The following ZNF521 variants were observed in gnomAD, a reference collection of about 807,000 sequenced individuals.
ZNF521 encodes the protein LYST-interacting protein 3.
In ZNF521, 14 loss-of-function variants were observed where a neutral mutation model predicts 105.5. The ratio of observed to expected loss-of-function variants is 0.13; its 90% confidence interval spans 0.09 to 0.21. ZNF521 has a LOEUF of 0.21. ZNF521 is among the 10% of genes least tolerant of loss of function. ZNF521 has a pLI of 1.00. For missense variants in ZNF521, 1,233 were observed against 1,629.7 expected (o/e 0.76, Z 4.19); for synonymous variants, 635 against 606.0 (o/e 1.05, Z -0.70).
At chr18:25,218,375 T>C (rs1905471066) in intron 4 of ZNF521, among the ~76,000 whole-genome samples, 1 of 151,158 alleles carries the variant, frequency 6.6e-6, no homozygotes, top group African/African-American at 2.4e-5. Context: ...AGAAAAACAG[T>C]TGGCTGGGTG....
intron 7 of ZNF521, among the ~76,000 whole-genome samples, chr18:25,066,585 C>A (rs4800203): frequency 0.14 from 21,352 of 152,094 alleles, 1,653 homozygotes; most frequent in East Asian, 0.18. Context: ...TTCTGATGCT[C>A]ATAGACATTA....
chr18:25,152,605 A>T (rs2035070004), intron 5 of ZNF521, among the ~76,000 whole-genome samples: 1 of 152,110 alleles, frequency 6.6e-6, no homozygotes, highest in African/African-American at 2.4e-5. Flanking sequence ...AAAATTTAAC[A>T]TTTTTTTAAA....
chr18:25,151,614 C>A (rs898672176), intron 5 of ZNF521, among the ~76,000 whole-genome samples: 1 of 152,080 alleles, frequency 6.6e-6, no homozygotes, highest in African/African-American at 2.4e-5. Context: ...AGACTTTTAT[C>A]GTTTCTTTCA....
chr18:25,164,293 G>A (rs2035299837), intron 5 of ZNF521, among the ~76,000 whole-genome samples: 1 of 152,186 alleles, frequency 6.6e-6, no homozygotes, highest in Non-Finnish European at 1.5e-5. Context: ...GTCTAAAGAT[G>A]TCCAAGTAGT....
chr18:25,098,441 T>A (rs1464254232), intron 5 of ZNF521, among the ~76,000 whole-genome samples: 3 of 148,786 alleles, frequency 2.0e-5, no homozygotes, highest in Admixed American at 1.3e-4. Flanking sequence ...TTTGCCCTCA[T>A]TTTTTTTTTA....
chr18:25,131,143 G>T (rs2034634654), intron 5 of ZNF521, among the ~76,000 whole-genome samples: 2 of 152,052 alleles, frequency 1.3e-5, no homozygotes, highest in African/African-American at 4.8e-5. Flanking sequence ...TGCTCCTGTG[G>T]CTTCCAACAG....
chr18:25,273,093 G>A (rs768941839), intron 3 of ZNF521, among the ~76,000 whole-genome samples: 3 of 150,952 alleles, frequency 2.0e-5, no homozygotes, highest in Non-Finnish European at 4.4e-5. Flanking sequence ...CAGGCACGAT[G>A]ACATGCACCT....
chr18:25,278,504 G>A lies in ZNF521; in HGVS notation c.220+43504C>T, dbSNP rs574567116. On this transcript the variant is annotated intron_variant, in intron 3 of 7. Transcript: ENST00000361524. ...AGCTGTGCCCATGCCTCGAACAGCC[G>A]CCACTCTTGCCTGCTTTACTGACCC... Among the ~76,000 whole-genome samples, 60 of 152,210 alleles carry A rather than the reference G, an allele frequency of 3.9e-4. 1 individual carries two copies. In the South Asian group the frequency reaches 0.012, roughly 31 times the overall value.
chr18:25,145,412 GT>G (rs1327884893), intron 5 of ZNF521, among the ~76,000 whole-genome samples: 1 of 152,036 alleles, frequency 6.6e-6, no homozygotes, highest in Non-Finnish European at 1.5e-5. Context: ...TCGATCTATA[GT>G]TTTTGTTTAC....
Position 25,312,099 on chromosome 18 carries a change from T to C in ZNF521, c.220+9909A>G, listed in dbSNP as rs76673795. Among the ~76,000 whole-genome samples the C allele has an allele frequency of 9.5e-3, 1,453 of 152,258 alleles. 99 individuals are homozygous for C. In the East Asian group the frequency reaches 0.2, roughly 21 times the overall value. ...ACCAGTTATTCAAGCAGGCTAAAAGTAAAAATGCCTAATAAAATATGGACA... is the reference window on the plus strand; with the variant it reads ...ACCAGTTATTCAAGCAGGCTAAAAGCAAAAATGCCTAATAAAATATGGACA... On this transcript the variant is annotated intron_variant, in intron 3 of 7. Coordinates refer to ENST00000361524, the MANE Select transcript of ZNF521 (RefSeq NM_015461.3).
intron 5 of ZNF521, among the ~76,000 whole-genome samples, chr18:25,098,599 G>T (rs977824236): frequency 3.3e-5 from 5 of 152,110 alleles, no homozygotes; most frequent in African/African-American, 1.2e-4. Flanking sequence ...AAAAGGCAAG[G>T]GCAGGGATAA....
At chr18:25,137,883 T>C (rs2034767155) in intron 5 of ZNF521, among the ~76,000 whole-genome samples, 1 of 152,222 alleles carries the variant, frequency 6.6e-6, no homozygotes, top group African/African-American at 2.4e-5. Context: ...AGGCCACCGT[T>C]CTTTATGCAG....
chr18:25,248,615 ACTTTAT>A (rs892200077), intron 3 of ZNF521, among the ~76,000 whole-genome samples: 13 of 152,238 alleles, frequency 8.5e-5, no homozygotes, highest in African/African-American at 2.4e-4. Context: ...TATTTAAAGA[ACTTTAT>A]CTTTATCTAG....
intron 5 of ZNF521, among the ~76,000 whole-genome samples, chr18:25,124,662 A>G (rs2034505611): frequency 6.6e-6 from 1 of 152,058 alleles, no homozygotes; most frequent in African/African-American, 2.4e-5. Flanking sequence ...CTTATTTTCA[A>G]TTGGAGAAAC....
chr18:25,178,402 T>A (rs1726016451), intron 5 of ZNF521, among the ~76,000 whole-genome samples: 1 of 152,312 alleles, frequency 6.6e-6, no homozygotes, highest in East Asian at 1.9e-4. Flanking sequence ...TTTAAATCTA[T>A]CCACTCAGCT....
In ZNF521 at chr18:25,169,491, G is replaced by A. The variant is rs78492168; in HGVS notation, c.3658+25669C>T. Among the ~76,000 whole-genome samples, 83 of 152,218 alleles carry A rather than the reference G, an allele frequency of 5.5e-4. 2 individuals carry two copies. The East Asian group carries it at 0.016, about 29-fold the overall frequency. Reference sequence around the variant, plus strand: ...TCATTGATGAAACAATGGGTATTGTGTGCAAAGCCAGCAATTTTTGTGTTG... The same window carrying A: ...TCATTGATGAAACAATGGGTATTGTATGCAAAGCCAGCAATTTTTGTGTTG... On this transcript the variant is annotated intron_variant, in intron 5 of 7. Transcript: ENST00000361524.
At chr18:25,162,163 A>G (rs1390501227) in intron 5 of ZNF521, among the ~76,000 whole-genome samples, 1 of 152,186 alleles carries the variant, frequency 6.6e-6, no homozygotes, top group African/African-American at 2.4e-5. Flanking sequence ...CTGTGTTCCA[A>G]CCTGAAATCA....
intron 5 of ZNF521, among the ~76,000 whole-genome samples, chr18:25,147,952 A>T (rs1486722251): frequency 6.6e-6 from 1 of 152,162 alleles, no homozygotes; most frequent in African/African-American, 2.4e-5. Context: ...TCTGCTAGGA[A>T]GGGCTGAGTT....
intron 4 of ZNF521, among the ~76,000 whole-genome samples, chr18:25,213,061 A>G (rs2036220810): frequency 6.6e-6 from 1 of 151,292 alleles, no homozygotes; most frequent in Non-Finnish European, 1.5e-5. Context: ...ATTTTATCTT[A>G]GCTTACAGGC....
Sources: allele counts gnomAD v4.1 joint callset (sites outside exome capture counted in the v4.1 genomes callset), GRCh38; gene constraint gnomAD v4.1.1; transcripts MANE v1.5; gene names NCBI Gene and HGNC (gene_info 2026-07-23, HGNC 2026-07-21).